Variants in RTN3 observed in about 807,000 individuals in gnomAD.
RTN3 encodes the protein reticulon-3.
A neutral mutation model predicts 77.8 loss-of-function variants in RTN3; 49 were observed. That is an observed-to-expected ratio of 0.63 (90% confidence interval 0.50 to 0.80). The LOEUF (loss-of-function observed/expected upper bound fraction) is 0.80. Among genes scored for constraint, RTN3 ranks in the 30% least tolerant of loss-of-function variants. The pLI is 0.00. For synonymous variants in RTN3, 464 were observed against 446.9 expected (o/e 1.04, Z -0.48); for missense variants, 1,236 against 1,211.9 (o/e 1.02, Z -0.29).
At position 63,720,920 on chromosome 11, in the gene RTN3, C is replaced by A. The variant is rs759095110; in HGVS notation, c.2418C>A (p.Ser806=). Residue 806 remains serine, a synonymous_variant, in exon 3 of 9, where the codon TCC becomes TCA. Transcript: ENST00000377819. ...AGAATGGATCTGATCTTGGGATTTC[C>A]CAGAAGCCCATCACTATCAGAGAAA... ...NVKNGSDLGI[S]QKPITIRETT... 3.7e-6 allele frequency: 6 copies of A among 1,614,020 alleles called. No individual in the cohort carries two copies. The highest frequency in any genetic ancestry group is 1.6e-4 in the Middle Eastern group (1 of 6,062).
chr11:63,731,527 G>A (rs2012691151), intron 3 of RTN3, among the ~76,000 whole-genome samples: 1 of 152,028 alleles, frequency 6.6e-6, no homozygotes, highest in African/African-American at 2.4e-5. Context: ...CTAATCTATA[G>A]ATAAAAGAAG....
chr11:63,716,519 T>TAAAACAG (rs1210666952), intron 2 of RTN3, among the ~76,000 whole-genome samples: 1 of 152,236 alleles, frequency 6.6e-6, no homozygotes, highest in Non-Finnish European at 1.5e-5. Context: ...GCTCCAAAGA[T>TAAAACAG]ACAACAGTAT....
intron 1 of RTN3, among the ~76,000 whole-genome samples, chr11:63,694,945 G>A (rs911559429): frequency 1.3e-5 from 2 of 152,190 alleles, no homozygotes; most frequent in Non-Finnish European, 2.9e-5. Context: ...TTGGAAATTA[G>A]CACTGTTTTG....
chr11:63,692,978 C>T lies in RTN3; in HGVS notation c.142+11200C>T, dbSNP rs1157413843. 2.0e-5 allele frequency among the ~76,000 whole-genome samples: 3 copies of T among 152,050 alleles called. No individual in the cohort carries two copies. In the East Asian group the frequency reaches 5.8e-4, roughly 29 times the overall value. On this transcript the variant is annotated intron_variant, in intron 1 of 8. Coordinates refer to ENST00000377819, the MANE Select transcript of RTN3 (RefSeq NM_001265589.2). The stretch of plus-strand genomic sequence containing the variant: ...GAGAGATGGGGTCTCACCATATTGC[C>T]CATGCTGGTCTTGACTGAATTCCTG...
At chr11:63,705,731 T>C (rs1942463862) in intron 2 of RTN3, among the ~76,000 whole-genome samples, 1 of 152,194 alleles carries the variant, frequency 6.6e-6, no homozygotes, top group African/African-American at 2.4e-5. Flanking sequence ...ACAAGTCAGT[T>C]ATGTGACTTT....
At chr11:63,725,230 A>G (rs56804836) in intron 3 of RTN3, among the ~76,000 whole-genome samples, 1 of 152,264 alleles carries the variant, frequency 6.6e-6, no homozygotes, top group East Asian at 1.9e-4. Context: ...TTAACCATTC[A>G]TTCATGTTAT....
At position 63,758,468 on chromosome 11, in the gene RTN3, G is replaced by A; in HGVS notation, c.*267G>A. 1.2e-6 allele frequency: 1 copy of A among 853,736 alleles called. No homozygotes were observed. The highest frequency in any genetic ancestry group is 1.7e-6 in the Non-Finnish European group (1 of 571,982). The allele number at this position is 853,736 out of a possible 1,614,324, so 52.9% of individuals were successfully genotyped here. ...AAGTCAATACCTTAATGGTGGTAGA[G>A]CCTTTACCTGTAGCTTGAAAGGGGA... On this transcript the variant is annotated 3_prime_UTR_variant, in exon 9 of 9. Transcript: ENST00000377819.
chr11:63,736,475 G>A (rs2013129364), intron 3 of RTN3, among the ~76,000 whole-genome samples: 2 of 152,112 alleles, frequency 1.3e-5, no homozygotes, highest in Admixed American at 6.6e-5. Context: ...ATCACCTGAG[G>A]TAGGAGTTCA....
intron 2 of RTN3, among the ~76,000 whole-genome samples, chr11:63,715,317 C>A (rs2011327809): frequency 6.6e-6 from 1 of 152,190 alleles, no homozygotes; most frequent in Non-Finnish European, 1.5e-5. Flanking sequence ...AGACTTTCAT[C>A]TGTAAGATGA....
intron 3 of RTN3, among the ~76,000 whole-genome samples, chr11:63,736,208 G>A (rs574860558): frequency 6.6e-6 from 1 of 152,194 alleles, no homozygotes; most frequent in African/African-American, 2.4e-5. Context: ...TGTCAGCTGG[G>A]GAAATCATGC....
intron 3 of RTN3, among the ~76,000 whole-genome samples, chr11:63,721,688 G>A (rs1421715436): frequency 6.6e-6 from 1 of 151,906 alleles, no homozygotes; most frequent in African/African-American, 2.4e-5. Flanking sequence ...AATATCATCA[G>A]GTTCTTACTT....
At chr11:63,754,030 C>T (rs2014237845) in intron 7 of RTN3, among the ~76,000 whole-genome samples, 1 of 152,192 alleles carries the variant, frequency 6.6e-6, no homozygotes, top group African/African-American at 2.4e-5. Context: ...TGGCTTGTGC[C>T]TGTAATCCCA....
chr11:63,726,860 TGAA>T (rs1385857210), intron 3 of RTN3, among the ~76,000 whole-genome samples: 8 of 89,434 alleles, frequency 8.9e-5, no homozygotes, highest in Admixed American at 2.9e-4. Flanking sequence ...AGACTCCGTC[TGAA>T]AAAAAAAAAA....
At chr11:63,734,205 T>C (rs2012908682) in intron 3 of RTN3, among the ~76,000 whole-genome samples, 1 of 152,140 alleles carries the variant, frequency 6.6e-6, no homozygotes, top group Non-Finnish European at 1.5e-5. Context: ...GAGGTCACTT[T>C]GGGAGGCCGA....
At position 63,719,712 on chromosome 11, in the gene RTN3, G is replaced by T. The variant is rs1434294099; in HGVS notation, c.1210G>T (p.Asp404Tyr). The T allele has an allele frequency of 6.2e-7, 1 of 1,614,140 alleles. No individual in the cohort carries two copies. Among genetic ancestry groups the T allele is most frequent in the Admixed American group, 1.7e-5 (1 of 60,016 alleles). The change falls in exon 3 of 9, where the codon GAT becomes TAT. Residue 404 changes from aspartate (D) to tyrosine (Y), a missense_variant. Physicochemically the swap from Asp to Tyr is radical, Grantham distance 160 (BLOSUM62 -3). Coordinates refer to ENST00000377819, the MANE Select transcript of RTN3 (RefSeq NM_001265589.2). ...GSTPITKSTGDWAEASLQQEN... is the reference protein window; with the variant it reads ...GSTPITKSTGYWAEASLQQEN... ...CACTCCCATCACTAAATCAACAGGT[G>T]ATTGGGCAGAAGCATCTCTCCAGCA...
At chr11:63,739,328 G>A (rs1044492086) in intron 3 of RTN3, among the ~76,000 whole-genome samples, 1 of 152,148 alleles carries the variant, frequency 6.6e-6, no homozygotes, top group Non-Finnish European at 1.5e-5. Flanking sequence ...CATTGACTTC[G>A]TTCTTTTGAG....
chr11:63,753,097 A>C lies in RTN3; in HGVS notation c.2906A>C (p.Tyr969Ser). The change falls in exon 6 of 9, where the codon TAT becomes TCT. Residue 969 changes from tyrosine (Y) to serine (S), a missense_variant. Physicochemically the swap from Tyr to Ser is moderately radical, Grantham distance 144. Coordinates refer to ENST00000377819, the MANE Select transcript of RTN3 (RefSeq NM_001265589.2). ...GCTGTCTTCATGTGGCTGATGACCT[A>C]TGTTGGTGCTGTTTTTAACGGAATC... ...KLAVFMWLMT[Y>S]VGAVFNGITL... The C allele has an allele frequency of 2.5e-6, 4 of 1,614,096 alleles. No individual in the cohort carries two copies. The highest frequency in any genetic ancestry group is 3.4e-6 in the Non-Finnish European group (4 of 1,180,004).
At chr11:63,740,022 C>G (rs1391048975) in intron 3 of RTN3, among the ~76,000 whole-genome samples, 1 of 152,052 alleles carries the variant, frequency 6.6e-6, no homozygotes, top group Non-Finnish European at 1.5e-5. Flanking sequence ...AAAGTGATCC[C>G]TTCTGTTTCC....
intron 3 of RTN3, 115 bp from the exon 4 acceptor site, chr11:63,749,876 T>C: frequency 1.3e-6 from 1 of 768,180 alleles, no homozygotes; most frequent in Non-Finnish European, 2.1e-6. Context: ...CAAAACCAGA[T>C]TATCTTAAAG....
Sources: allele counts gnomAD v4.1 joint callset (sites outside exome capture counted in the v4.1 genomes callset), GRCh38; gene constraint gnomAD v4.1.1; transcripts MANE v1.5; gene names NCBI Gene and HGNC (gene_info 2026-07-23, HGNC 2026-07-21).